Variants in CCDC150 observed in about 807,000 individuals in gnomAD.
The protein encoded by CCDC150 is coiled-coil domain-containing protein 150.
Under a neutral mutation model 156.5 loss-of-function variants are expected in CCDC150, and 151 were observed. The ratio of observed to expected loss-of-function variants is 0.97; its 90% CI spans 0.85 to 1.10. The LOEUF is 1.10. Among genes scored for constraint, CCDC150 ranks in the 50% least tolerant of loss-of-function variants. The probability of loss-of-function intolerance (pLI) is 0.00; values close to 1 mark genes in which losing one functional copy is unlikely to be tolerated. For missense variants in CCDC150, 1,312 were observed against 1,268.1 expected (o/e 1.03, Z -0.53); for synonymous variants, 452 against 429.4 (o/e 1.05, Z -0.65).
At chr2:196,687,400 G>A (rs962932177) in intron 13 of CCDC150, among the ~76,000 whole-genome samples, 10 of 152,058 alleles carry the variant, frequency 6.6e-5, no homozygotes, top group Non-Finnish European at 1.0e-4. Flanking sequence ...TATGATTCTT[G>A]GCCACATTTA....
In CCDC150 at chr2:196,657,020, C is replaced by CATCTCAA. The variant is rs1458684753; in HGVS notation, c.465_466insAAATCTC (p.Glu156LysfsTer24). On this transcript the variant is annotated frameshift_variant, in exon 4 of 28. Coordinates refer to ENST00000389175, the MANE Select transcript of CCDC150 (RefSeq NM_001080539.2). LOFTEE classifies it high-confidence loss of function. ...GCATTCTAAGGACCTGAAGCTGTTG[C>CATCTCAA]ATCTCGAAGTTATGAATTTGCGCCA... 6.2e-7 allele frequency: 1 copy of CATCTCAA among 1,613,528 alleles called. No homozygotes were observed. Among genetic ancestry groups the CATCTCAA allele is most frequent in the Non-Finnish European group, 8.5e-7 (1 of 1,179,754 alleles).
chr2:196,701,031 G>A, intron 14 of CCDC150, 78 bp from the exon 15 acceptor site: 1 of 890,132 alleles, frequency 1.1e-6, no homozygotes, highest in Non-Finnish European at 1.8e-6. Context: ...TGGTAAGGAT[G>A]TAAATACTTG....
At chr2:196,717,866 A>G (rs933327171) in intron 17 of CCDC150, among the ~76,000 whole-genome samples, 10 of 141,096 alleles carry the variant, frequency 7.1e-5, no homozygotes, top group Non-Finnish European at 1.5e-4. Context: ...ACTCCAGCCT[A>G]GATGACAGAG....
chr2:196,682,878 T>G (rs1354238763), intron 13 of CCDC150, among the ~76,000 whole-genome samples: 1 of 152,056 alleles, frequency 6.6e-6, no homozygotes, highest in African/African-American at 2.4e-5. Context: ...GTAATAGAGA[T>G]AGTTATTTTT....
At chr2:196,697,320 T>G (rs183619058) in intron 14 of CCDC150, among the ~76,000 whole-genome samples, 89 of 152,256 alleles carry the variant, frequency 5.8e-4, no homozygotes, top group African/African-American at 1.5e-3. Context: ...TGTTGTTGTT[T>G]TTTGCCATTT....
chr2:196,652,422 A>G (rs1692943551), intron 2 of CCDC150, among the ~76,000 whole-genome samples: 1 of 152,270 alleles, frequency 6.6e-6, no homozygotes, highest in Non-Finnish European at 1.5e-5. Context: ...AGAAAGGAGC[A>G]ATGGGTCCCA....
intron 14 of CCDC150, among the ~76,000 whole-genome samples, chr2:196,699,524 C>CA (rs567789955): frequency 6.9e-6 from 1 of 145,962 alleles, no homozygotes; most frequent in East Asian, 2.0e-4. Context: ...ACTACTGTGC[C>CA]TTTTTTTTTT....
intron 8 of CCDC150, among the ~76,000 whole-genome samples, chr2:196,671,557 A>T (rs1173674069): frequency 6.7e-6 from 1 of 149,480 alleles, no homozygotes; most frequent in African/African-American, 2.5e-5. Context: ...CCTCCCGAGT[A>T]GTTGGGATTA....
intron 15 of CCDC150, among the ~76,000 whole-genome samples, chr2:196,711,418 A>G (rs1697104463): frequency 6.6e-6 from 1 of 152,218 alleles, no homozygotes; most frequent in Admixed American, 6.5e-5. Flanking sequence ...GTTGATTTAA[A>G]TAAAATTTTG....
intron 13 of CCDC150, among the ~76,000 whole-genome samples, chr2:196,691,497 A>G (rs557161035): frequency 2.7e-4 from 41 of 152,282 alleles, no homozygotes; most frequent in African/African-American, 9.9e-4. Flanking sequence ...TTATGTACAT[A>G]GAGGTGTTTT....
At chr2:196,688,515 T>C (rs1695249325) in intron 13 of CCDC150, among the ~76,000 whole-genome samples, 1 of 152,152 alleles carries the variant, frequency 6.6e-6, no homozygotes, top group Admixed American at 6.5e-5. Flanking sequence ...ATAGGGTTTT[T>C]GAGATATAGG....
At chr2:196,662,020 G>C (rs1693589758) in intron 5 of CCDC150, among the ~76,000 whole-genome samples, 1 of 151,808 alleles carries the variant, frequency 6.6e-6, no homozygotes, top group Admixed American at 6.6e-5. Context: ...TGATGTCCTG[G>C]GTATTTTGAA....
At chr2:196,729,534 C>A in intron 23 of CCDC150, 147 bp downstream of exon 23, 1 of 756,906 alleles carries the variant, frequency 1.3e-6, no homozygotes, top group Non-Finnish European at 2.2e-6. Flanking sequence ...GAGACTTTTT[C>A]AGTGGAGTCA....
At chr2:196,713,206 C>T in intron 17 of CCDC150, 1 of 1,171,876 alleles carries the variant, frequency 8.5e-7, no homozygotes, top group Non-Finnish European at 1.1e-6. Context: ...AGTGTGATCT[C>T]TTCACTCTGA....
intron 13 of CCDC150, among the ~76,000 whole-genome samples, chr2:196,682,331 G>C: frequency 6.6e-6 from 1 of 151,888 alleles, no homozygotes; most frequent in East Asian, 1.9e-4. Flanking sequence ...CTGTCGTTAT[G>C]CTAATACCAC....
chr2:196,669,914 C>T, intron 8 of CCDC150, 38 bp downstream of exon 8: 1 of 1,463,872 alleles, frequency 6.8e-7, no homozygotes, highest in South Asian at 1.2e-5. Flanking sequence ...GGTGGTCTTT[C>T]CTCTCTTCAC....
At chr2:196,664,009 CCTT>C (rs949317390) in intron 5 of CCDC150, among the ~76,000 whole-genome samples, 9 of 151,992 alleles carry the variant, frequency 5.9e-5, no homozygotes, top group Non-Finnish European at 1.0e-4. Context: ...AGACTCTTAA[CCTT>C]CTTTATATTT....
At chr2:196,673,733 A>G (rs1172701140) in intron 9 of CCDC150, among the ~76,000 whole-genome samples, 1 of 152,174 alleles carries the variant, frequency 6.6e-6, no homozygotes, top group Non-Finnish European at 1.5e-5. Context: ...ACCTACATAT[A>G]TGATATATCT....
At chr2:196,680,179 C>T (rs1026151595) in intron 13 of CCDC150, among the ~76,000 whole-genome samples, 1 of 152,054 alleles carries the variant, frequency 6.6e-6, no homozygotes. Flanking sequence ...TTTGCCTAAC[C>T]TAGGATCACC....
Sources: gnomAD v4.1 joint callset for allele counts (sites outside exome capture counted in the v4.1 genomes callset) on GRCh38, gnomAD v4.1.1 for gene constraint, MANE v1.5 for transcripts, NCBI Gene and HGNC (gene_info 2026-07-23, HGNC 2026-07-21) for gene names.